Variants in GPR158 observed in about 807,000 individuals in gnomAD.
GPR158 encodes metabotropic glycine receptor.
GPR158 carries 30 observed loss-of-function variants against 78.2 expected under a neutral mutation model. That is an observed-to-expected ratio of 0.38 (90% CI 0.29 to 0.52). The LOEUF (loss-of-function observed/expected upper bound fraction) is 0.52, where lower values mean the gene tolerates loss of function less well. Ranked by LOEUF, GPR158 falls within the 20% of genes least tolerant of loss-of-function variation. The pLI, the probability that GPR158 is intolerant of heterozygous loss-of-function variation, is 0.83. For synonymous variants in GPR158, 581 were observed against 591.1 expected, an observed-to-expected ratio of 0.98 and a Z score of 0.25; for missense variants, 1,463 against 1,523.5, an observed-to-expected ratio of 0.96 and a Z score of 0.66.
intron 2 of GPR158, chr10:25,243,978 A>G (rs1196235839): frequency 6.6e-6 from 1 of 152,160 alleles, no homozygotes; most frequent in African/African-American, 2.4e-5. Context: ...GAAATGCTAT[A>G]TAATATTAGA....
At position 25,589,151 on chromosome 10, in the gene GPR158, T is replaced by G. The variant is rs1443259079; in HGVS notation, c.1892+6T>G. Reference sequence around the variant, plus strand: ...GCTATATTCCATACAATTAGGCAAGTGATCTGTAGAGCTAGTAAATAACTA... The same window carrying G: ...GCTATATTCCATACAATTAGGCAAGGGATCTGTAGAGCTAGTAAATAACTA... On this transcript the variant is annotated splice_donor_region_variant and intron_variant, in intron 8 of 10. Coordinates refer to ENST00000376351, the MANE Select transcript of GPR158 (RefSeq NM_020752.3). 6.3e-7 allele frequency: 1 copy of G among 1,583,648 alleles called. No individual in the cohort carries two copies. Among genetic ancestry groups the G allele is most frequent in the Non-Finnish European group, 8.6e-7 (1 of 1,158,460 alleles).
intron 2 of GPR158, among the ~76,000 whole-genome samples, chr10:25,358,918 AGAAGAATATGTGTTCTGCTATTGTT>A (rs1257438202): frequency 6.6e-6 from 1 of 152,084 alleles, no homozygotes. Flanking sequence ...TGTGTACTTA[AGAAGAATATGTGTTCTGCTATTGTT>A]GAATTAAGTT....
chr10:25,283,745 C>T (rs575901140), intron 2 of GPR158, among the ~76,000 whole-genome samples: 2 of 151,938 alleles, frequency 1.3e-5, no homozygotes, highest in Non-Finnish European at 2.9e-5. Flanking sequence ...TAATCTAAAA[C>T]AATTAATTTT....
rs185367250 is a variant in GPR158 at position 25,196,633 on chromosome 10, C to T, written c.902+20311C>T. The stretch of plus-strand genomic sequence containing the variant: ...TCTGCCTTGACTATTGGGCTTCTTT[C>T]CCCTTAGGAAGCTAGACAAAGAAGC... On this transcript the variant is annotated intron_variant, in intron 1 of 10. Coordinates refer to ENST00000376351, the MANE Select transcript of GPR158 (RefSeq NM_020752.3). Among the ~76,000 whole-genome samples the T allele has an allele frequency of 3.3e-5, 5 of 152,328 alleles. No homozygotes were observed. The East Asian group carries it at 9.6e-4, about 29-fold the overall frequency.
At chr10:25,532,493 T>C (rs1167249392) in intron 5 of GPR158, among the ~76,000 whole-genome samples, 1 of 152,220 alleles carries the variant, frequency 6.6e-6, no homozygotes, top group African/African-American at 2.4e-5. Context: ...GTTTCTTTGT[T>C]GAGGTCTGGA....
rs958444137 is a variant in GPR158 at position 25,470,162 on chromosome 10, A to G, written c.1404+3443A>G. On this transcript the variant is annotated intron_variant, in intron 5 of 10. Coordinates refer to ENST00000376351, the MANE Select transcript of GPR158 (RefSeq NM_020752.3). ...TATGTAGATCGAGTGTTCTTTATTCAGGTCTCGAATTAATTTTTCTATTTA... is the reference window on the plus strand; with the variant it reads ...TATGTAGATCGAGTGTTCTTTATTCGGGTCTCGAATTAATTTTTCTATTTA... 8.4e-5 allele frequency among the ~76,000 whole-genome samples: 10 copies of G among 118,456 alleles called. 1 individual carries two copies. The highest frequency in any genetic ancestry group is 1.4e-4 in the Non-Finnish European group (8 of 55,792). 77.7% of individuals were successfully genotyped at this position (118,456 alleles called of 152,430 possible).
intron 5 of GPR158, among the ~76,000 whole-genome samples, chr10:25,542,680 T>C (rs956184158): frequency 1.3e-5 from 2 of 151,664 alleles, no homozygotes; most frequent in Non-Finnish European, 2.9e-5. Context: ...ACAAATTAGC[T>C]GGGCGTGGTG....
In GPR158 at chr10:25,245,457, C is replaced by T. The variant is rs544487255; in HGVS notation, c.1008+24300C>T. On this transcript the variant is annotated intron_variant, in intron 2 of 10. Coordinates refer to ENST00000376351, the MANE Select transcript of GPR158 (RefSeq NM_020752.3). Reference sequence around the variant, plus strand: ...TAACTCCTGAATAGTAACCTAGAAACTGTTTGTCTATTTTTGGAATATGAC... The same window carrying T: ...TAACTCCTGAATAGTAACCTAGAAATTGTTTGTCTATTTTTGGAATATGAC... Among the ~76,000 whole-genome samples, 3 of 152,002 alleles carry T rather than the reference C, an allele frequency of 2.0e-5. No homozygotes were observed. The East Asian group carries it at 5.8e-4, about 29-fold the overall frequency.
At chr10:25,467,724 T>C (rs529550220) in intron 5 of GPR158, among the ~76,000 whole-genome samples, 61 of 152,012 alleles carry the variant, frequency 4.0e-4, no homozygotes, top group Non-Finnish European at 7.2e-4. Flanking sequence ...GGGTGGAAAG[T>C]AGTAGCAGAG....
At chr10:25,556,356 G>C (rs2130717168) in intron 6 of GPR158, among the ~76,000 whole-genome samples, 1 of 152,288 alleles carries the variant, frequency 6.6e-6, no homozygotes, top group South Asian at 2.1e-4. Context: ...AACGGTTTTA[G>C]CCAGTTTCCC....
At chr10:25,427,992 ACAT>A (rs1444969832) in intron 4 of GPR158, among the ~76,000 whole-genome samples, 1 of 152,038 alleles carries the variant, frequency 6.6e-6, no homozygotes, top group Non-Finnish European at 1.5e-5. Context: ...AACAAAATTA[ACAT>A]CATTCTTTTA....
intron 1 of GPR158, among the ~76,000 whole-genome samples, chr10:25,212,546 T>C (rs867881174): frequency 6.6e-6 from 1 of 152,114 alleles, no homozygotes. Context: ...TTCAGATCAT[T>C]TATTGTTCTT....
At chr10:25,369,728 G>C (rs1330418122) in intron 2 of GPR158, among the ~76,000 whole-genome samples, 2 of 151,488 alleles carry the variant, frequency 1.3e-5, no homozygotes, top group Non-Finnish European at 3.0e-5. Flanking sequence ...GATTGGAATA[G>C]TTTCAGAAGG....
chr10:25,579,738 G>A (rs1013394389), intron 7 of GPR158, among the ~76,000 whole-genome samples: 4 of 152,206 alleles, frequency 2.6e-5, no homozygotes, highest in African/African-American at 9.6e-5. Flanking sequence ...CAAGCGCTGA[G>A]CTGTTTCCAC....
At chr10:25,200,750 A>G (rs1460295908) in intron 1 of GPR158, among the ~76,000 whole-genome samples, 2 of 152,098 alleles carry the variant, frequency 1.3e-5, no homozygotes, top group Non-Finnish European at 2.9e-5. Flanking sequence ...CATTTATTAA[A>G]TAGGAAGTCC....
At chr10:25,252,804 G>T (rs1853827955) in intron 2 of GPR158, among the ~76,000 whole-genome samples, 1 of 152,254 alleles carries the variant, frequency 6.6e-6, no homozygotes, top group African/African-American at 2.4e-5. Flanking sequence ...GGAGGCTACA[G>T]AGGCAGGCAG....
chr10:25,257,992 G>T (rs372805250), intron 2 of GPR158, among the ~76,000 whole-genome samples: 1 of 152,138 alleles, frequency 6.6e-6, no homozygotes, highest in Non-Finnish European at 1.5e-5. Flanking sequence ...CTACAAAATA[G>T]AAGTAAAATG....
At chr10:25,199,794 T>C (rs1449521239) in intron 1 of GPR158, among the ~76,000 whole-genome samples, 2 of 152,176 alleles carry the variant, frequency 1.3e-5, no homozygotes, top group African/African-American at 4.8e-5. Context: ...AGTGAGTCAA[T>C]TAAGCCTCTT....
intron 5 of GPR158, among the ~76,000 whole-genome samples, chr10:25,479,677 A>G (rs918181741): frequency 7.2e-5 from 11 of 152,108 alleles, no homozygotes; most frequent in African/African-American, 1.4e-4. Flanking sequence ...GGCCTCTCAT[A>G]GTGCTGGGAT....
Sources: gnomAD v4.1 joint callset for allele counts (sites outside exome capture counted in the v4.1 genomes callset) on GRCh38, gnomAD v4.1.1 for gene constraint, MANE v1.5 for transcripts, NCBI Gene and HGNC (gene_info 2026-07-23, HGNC 2026-07-21) for gene names.